F13A1: variants seen among roughly 807,000 people sequenced by gnomAD.
The protein encoded by F13A1 is FSF, A subunit.
F13A1 carries 47 observed loss-of-function variants against 80.1 expected under a neutral mutation model. The ratio of observed to expected loss-of-function variants is 0.59; its 90% CI spans 0.46 to 0.75. F13A1 has a LOEUF of 0.75. F13A1 is among the 30% of genes least tolerant of loss of function. F13A1 has a pLI of 0.00. For synonymous variants in F13A1, 349 were observed against 344.9 expected (o/e 1.01, Z -0.13); for missense variants, 817 against 930.4 (o/e 0.88, Z 1.59).
intron 3 of F13A1, among the ~76,000 whole-genome samples, chr6:6,285,877 G>A (rs754207721): frequency 6.6e-6 from 1 of 152,222 alleles, no homozygotes; most frequent in African/African-American, 2.4e-5. Flanking sequence ...TCAGGCATGC[G>A]CACTAAGAGC....
intron 3 of F13A1, among the ~76,000 whole-genome samples, chr6:6,304,194 G>A (rs907892666): frequency 2.0e-5 from 3 of 151,830 alleles, no homozygotes; most frequent in African/African-American, 4.8e-5. Context: ...TTGTTTTGAT[G>A]TAAGCAATCT....
chr6:6,288,641 C>T (rs1199119495), intron 3 of F13A1, among the ~76,000 whole-genome samples: 1 of 152,118 alleles, frequency 6.6e-6, no homozygotes. Flanking sequence ...TTTTCAACAT[C>T]CTGATTTCAA....
At chr6:6,209,279 A>C (rs1020515455) in intron 8 of F13A1, among the ~76,000 whole-genome samples, 1 of 151,680 alleles carries the variant, frequency 6.6e-6, no homozygotes, top group African/African-American at 2.4e-5. Flanking sequence ...TAATCCCACC[A>C]TGAAATACCA....
At chr6:6,191,051 C>T (rs1003797616) in intron 10 of F13A1, among the ~76,000 whole-genome samples, 4 of 152,254 alleles carry the variant, frequency 2.6e-5, no homozygotes, top group African/African-American at 9.6e-5. Flanking sequence ...CTTGTGCTTC[C>T]CGAGTGAGGC....
At position 6,145,000 on chromosome 6, in the gene F13A1, G is replaced by A. The variant is rs191569585; in HGVS notation, c.*619C>T. ...GTAGGTGGTTAAGTTTCCCACAAAT[G>A]CAATTTGTTAATATGGGGCCACCTC... is the stretch of plus-strand genomic sequence containing the variant. On this transcript the variant is annotated 3_prime_UTR_variant, in exon 15 of 15. Coordinates refer to ENST00000264870, the MANE Select transcript of F13A1 (RefSeq NM_000129.4). 9.5e-5 allele frequency: 15 copies of A among 157,460 alleles called. No homozygotes were observed. Among genetic ancestry groups the A allele is most frequent in the Admixed American group, 8.6e-4 (14 of 16,278 alleles). The allele number at this position is 157,460 out of a possible 1,614,324, so 9.8% of individuals were successfully genotyped here.
chr6:6,296,861 C>T (rs1019616525), intron 3 of F13A1, among the ~76,000 whole-genome samples: 2 of 148,668 alleles, frequency 1.3e-5, no homozygotes, highest in Middle Eastern at 3.2e-3. Flanking sequence ...TTGGCCCATT[C>T]AGTATGATAT....
intron 3 of F13A1, among the ~76,000 whole-genome samples, chr6:6,300,083 A>T (rs1194299439): frequency 1.4e-5 from 2 of 146,016 alleles, no homozygotes. Flanking sequence ...TCAGGGACCC[A>T]CTTGAGGAGG....
At chr6:6,299,406 C>A (rs2113172607) in intron 3 of F13A1, among the ~76,000 whole-genome samples, 1 of 133,014 alleles carries the variant, frequency 7.5e-6, no homozygotes, top group South Asian at 2.4e-4. Flanking sequence ...TAGATTTGGT[C>A]TTTTCACATA....
chr6:6,310,518 G>T (rs1223045414), intron 2 of F13A1, among the ~76,000 whole-genome samples: 1 of 152,064 alleles, frequency 6.6e-6, no homozygotes, highest in African/African-American at 2.4e-5. Context: ...TATTATTGTT[G>T]TTGTTATTAT....
Position 6,243,247 on chromosome 6 carries a change from C to T in F13A1, c.798+5065G>A, listed in dbSNP as rs1561665937. Among the ~76,000 whole-genome samples, 1 of 151,474 alleles carries T rather than the reference C, an allele frequency of 6.6e-6. No homozygotes were observed. Among genetic ancestry groups the T allele is most frequent in the Non-Finnish European group, 1.5e-5 (1 of 67,880 alleles). Reference sequence around the variant, plus strand: ...ATCACCGTCACCATCTCCACCACCACCATCACCATCATCATCACTATCACC... The same window carrying T: ...ATCACCGTCACCATCTCCACCACCATCATCACCATCATCATCACTATCACC... On this transcript the variant is annotated intron_variant, in intron 6 of 14. Transcript: ENST00000264870. The surrounding 1 kb of genome is among the most constrained non-coding windows in gnomAD (Gnocchi z 4.2).
chr6:6,236,668 C>A (rs1359202640), intron 6 of F13A1, among the ~76,000 whole-genome samples: 1 of 151,978 alleles, frequency 6.6e-6, no homozygotes, highest in African/African-American at 2.4e-5. Flanking sequence ...CTGTTATAAA[C>A]CTATCATATT....
At chr6:6,207,462 A>G (rs888812061) in intron 8 of F13A1, among the ~76,000 whole-genome samples, 1 of 152,242 alleles carries the variant, frequency 6.6e-6, no homozygotes, top group Non-Finnish European at 1.5e-5. Flanking sequence ...GAGACTAAAA[A>G]AGGGCTATCC....
intron 10 of F13A1, among the ~76,000 whole-genome samples, chr6:6,191,568 G>C (rs1421708345): frequency 6.6e-6 from 1 of 152,146 alleles, no homozygotes. Flanking sequence ...AGGCTTGGGG[G>C]CTGCTCTCTG....
At chr6:6,154,134 A>G (rs1760432765) in intron 13 of F13A1, among the ~76,000 whole-genome samples, 1 of 93,814 alleles carries the variant, frequency 1.1e-5, no homozygotes, top group Non-Finnish European at 2.1e-5. Context: ...ACTGTTTCGT[A>G]CTGACGTCCA....
rs757172838 is a variant in F13A1 at position 6,167,562 on chromosome 6, G to T, written c.1804C>A (p.Gln602Lys). The change falls in exon 13 of 15, where the codon CAA (glutamine) becomes AAA (lysine). Residue 602 changes from glutamine to lysine, a missense_variant. Coordinates refer to ENST00000264870, the MANE Select transcript of F13A1 (RefSeq NM_000129.4). The part of the protein sequence containing the change: ...AGEYMGQLLE[Q>K]ASLHFFVTAR... Reference sequence around the variant, plus strand: ...GTGACAAAGAAGTGCAGGGACGCTTGTTCCAGCAGCTGACCCATGTACTCG... The same window carrying T: ...GTGACAAAGAAGTGCAGGGACGCTTTTTCCAGCAGCTGACCCATGTACTCG... 2 of 1,614,064 alleles carry T rather than the reference G, an allele frequency of 1.2e-6. No homozygotes were observed. The highest frequency in any genetic ancestry group is 1.7e-6 in the Non-Finnish European group (2 of 1,180,020).
intron 6 of F13A1, among the ~76,000 whole-genome samples, chr6:6,241,154 T>C (rs1757479202): frequency 6.6e-6 from 1 of 152,152 alleles, no homozygotes; most frequent in South Asian, 2.1e-4. Context: ...CAATAACACT[T>C]TTAAATAAAA....
At chr6:6,206,283 G>A in intron 8 of F13A1, 2 of 356,634 alleles carry the variant, frequency 5.6e-6, no homozygotes, top group South Asian at 4.2e-5. Context: ...ATTCAGTATA[G>A]CCTAGGCGGT....
At chr6:6,175,684 G>T (rs1348736503) in intron 11 of F13A1, among the ~76,000 whole-genome samples, 1 of 152,198 alleles carries the variant, frequency 6.6e-6, no homozygotes, top group Non-Finnish European at 1.5e-5. Context: ...TTTACACAAG[G>T]TTTCCCAAAC....
rs536587944 is a variant in F13A1, at chr6:6,243,161, C to G, written c.798+5151G>C. Among the ~76,000 whole-genome samples, 6 of 150,578 alleles carry G rather than the reference C, an allele frequency of 4.0e-5. No homozygotes were observed. Among genetic ancestry groups the G allele is most frequent in the African/African-American group, 1.5e-4 (6 of 41,044 alleles). On this transcript the variant is annotated intron_variant, in intron 6 of 14. Transcript: ENST00000264870. The surrounding 1 kb of genome is among the most constrained non-coding windows in gnomAD (Gnocchi z 4.2). ...ATAAATCACCACCACCACCACATTA[C>G]GCCATCACCACCACTACCACCATCA...
Sources: allele counts gnomAD v4.1 joint callset (sites outside exome capture counted in the v4.1 genomes callset), GRCh38; gene constraint gnomAD v4.1.1; non-coding constraint Gnocchi (gnomAD v3.1); transcripts MANE v1.5; gene names NCBI Gene and HGNC (gene_info 2026-07-23, HGNC 2026-07-21).